The following PIWIL2 variants were observed in gnomAD, a reference collection of about 807,000 sequenced individuals.
PIWIL2 encodes the protein piwi like RNA-mediated gene silencing 2.
A neutral mutation model predicts 116.5 loss-of-function variants in PIWIL2; 81 were observed. That is an observed-to-expected ratio of 0.70 (90% CI 0.58 to 0.84). The LOEUF is 0.84. PIWIL2 is among the 40% of genes least tolerant of loss of function. PIWIL2 has a pLI of 0.00. For missense variants in PIWIL2, 1,272 were observed against 1,212.3 expected (o/e 1.05, Z -0.73); for synonymous variants, 489 against 429.5 (o/e 1.14, Z -1.71).
At chr8:22,328,884 G>A (rs1234505579) in intron 20 of PIWIL2, among the ~76,000 whole-genome samples, 1 of 138,856 alleles carries the variant, frequency 7.2e-6, no homozygotes, top group East Asian at 2.5e-4. Flanking sequence ...TTTGCTTATG[G>A]GAATGGAGTC....
intron 20 of PIWIL2, among the ~76,000 whole-genome samples, chr8:22,318,981 C>G (rs1227744423): frequency 7.2e-5 from 11 of 152,170 alleles, no homozygotes; most frequent in African/African-American, 2.4e-4. Context: ...CAAATGCCTC[C>G]TTATAAATCA....
intron 20 of PIWIL2, among the ~76,000 whole-genome samples, chr8:22,341,898 C>T (rs1192671548): frequency 6.8e-6 from 1 of 146,870 alleles, no homozygotes; most frequent in Non-Finnish European, 1.5e-5. Context: ...AAGAAACCAA[C>T]AACAAAAAAC....
intron 20 of PIWIL2, among the ~76,000 whole-genome samples, chr8:22,326,463 G>C (rs6984158): frequency 1 from 152,297 of 152,300 alleles, 76,147 homozygotes; most frequent in Non-Finnish European, 1. Flanking sequence ...TTTCATCACC[G>C]CATAAAAACA....
At chr8:22,312,740 A>G (rs1475717551) in intron 16 of PIWIL2, among the ~76,000 whole-genome samples, 1 of 152,110 alleles carries the variant, frequency 6.6e-6, no homozygotes, top group Non-Finnish European at 1.5e-5. Flanking sequence ...TTGAGGGCCC[A>G]AGGGATCCTC....
intron 20 of PIWIL2, among the ~76,000 whole-genome samples, chr8:22,342,174 A>G (rs897400650): frequency 2.1e-4 from 32 of 152,318 alleles, no homozygotes; most frequent in Admixed American, 1.8e-3. Flanking sequence ...TATCTTAAAA[A>G]TGGAGAGAGA....
intron 10 of PIWIL2, among the ~76,000 whole-genome samples, chr8:22,298,527 A>G (rs114179354): frequency 0.011 from 1,718 of 152,282 alleles, 31 homozygotes; most frequent in African/African-American, 0.039. Context: ...GGTTGTTGGG[A>G]TTGACTCACT....
Position 22,311,136 on chromosome 8 carries a change from T to C in PIWIL2, c.1825T>C (p.Phe609Leu). The C allele has an allele frequency of 3.1e-6, 5 of 1,612,342 alleles. No individual in the cohort carries two copies. The highest frequency in any genetic ancestry group is 2.2e-5 in the East Asian group (1 of 44,862). ...LTIPMHFWAL[F>L]YPKRAMDQAR... ...GATCCCCATGCATTTCTGGGCACTTTTTTACCCAAAGAGAGCAATGGACCA... is the reference window on the plus strand; with the variant it reads ...GATCCCCATGCATTTCTGGGCACTTCTTTACCCAAAGAGAGCAATGGACCA... Residue 609 changes from phenylalanine to leucine, a missense_variant, in exon 16 of 23, where the codon TTT (phenylalanine) becomes CTT (leucine). Transcript: ENST00000356766.
In PIWIL2 at chr8:22,354,348, C is replaced by G; in HGVS notation, c.2735C>G (p.Thr912Ser). The G allele has an allele frequency of 2.5e-6, 4 of 1,612,686 alleles. No individual in the cohort carries two copies. Among genetic ancestry groups the G allele is most frequent in the Non-Finnish European group, 3.4e-6 (4 of 1,178,722 alleles). The change falls in exon 22 of 23, where the codon ACC becomes AGC. Residue 912 changes from threonine to serine, a missense_variant. By Grantham distance (58) the Thr-to-Ser change is moderately conservative (BLOSUM62 1). Coordinates refer to ENST00000356766, the MANE Select transcript of PIWIL2 (RefSeq NM_018068.5). ...ACGCATTATGTCTGTGTTCTCAACA[C>G]CGCAAACCTGAGCCCTGATCATATG... is the stretch of plus-strand genomic sequence containing the variant. Reference protein sequence around the residue: ...IPTHYVCVLNTANLSPDHMQR... With the variant: ...IPTHYVCVLNSANLSPDHMQR...
intron 20 of PIWIL2, among the ~76,000 whole-genome samples, chr8:22,334,534 A>G (rs1316900702): frequency 6.8e-6 from 1 of 146,210 alleles, no homozygotes; most frequent in Non-Finnish European, 1.5e-5. Flanking sequence ...AAAAAAAAAG[A>G]AAAGAAAATA....
At chr8:22,330,489 G>T (rs553503656) in intron 20 of PIWIL2, among the ~76,000 whole-genome samples, 1 of 151,286 alleles carries the variant, frequency 6.6e-6, no homozygotes, top group Non-Finnish European at 1.5e-5. Context: ...ACGAGGTCAG[G>T]GGTTCGAGAC....
intron 16 of PIWIL2, 26 bp downstream of exon 16, chr8:22,311,326 A>G: frequency 1.9e-6 from 3 of 1,551,504 alleles, no homozygotes; most frequent in East Asian, 4.5e-5. Context: ...AAATAAATTT[A>G]TAGGATGTCC....
chr8:22,300,175 C>T (rs1831013217), intron 10 of PIWIL2, among the ~76,000 whole-genome samples: 1 of 152,090 alleles, frequency 6.6e-6, no homozygotes, highest in South Asian at 2.1e-4. Flanking sequence ...AAGCAGTTCT[C>T]CTACCTAGCC....
intron 10 of PIWIL2, among the ~76,000 whole-genome samples, chr8:22,295,868 G>A (rs4872464): frequency 0.41 from 62,140 of 151,908 alleles, 15,265 homozygotes; most frequent in East Asian, 0.8. Flanking sequence ...ACTTTCTTAC[G>A]TCACTTGTAA....
chr8:22,301,646 A>T (rs1181048404), intron 10 of PIWIL2, among the ~76,000 whole-genome samples: 3 of 152,066 alleles, frequency 2.0e-5, no homozygotes, highest in African/African-American at 7.2e-5. Context: ...AGTAGAATTT[A>T]TACTTTTTCT....
chr8:22,326,294 G>A (rs1831723056), intron 20 of PIWIL2, among the ~76,000 whole-genome samples: 2 of 152,246 alleles, frequency 1.3e-5, no homozygotes, highest in South Asian at 2.1e-4. Flanking sequence ...GCCAAGGCAG[G>A]TGGATTGCTT....
At chr8:22,275,757 C>G (rs1355219629) in intron 1 of PIWIL2, 1 of 152,406 alleles carries the variant, frequency 6.6e-6, no homozygotes, top group Non-Finnish European at 1.5e-5. Context: ...GGGGGCCTTG[C>G]TTCTGGTTAG....
At chr8:22,277,355 T>C (rs1024396835) in intron 1 of PIWIL2, among the ~76,000 whole-genome samples, 2 of 152,068 alleles carry the variant, frequency 1.3e-5, no homozygotes, top group Non-Finnish European at 2.9e-5. Context: ...AGAGACCTGA[T>C]GGGCTTTAGA....
At position 22,318,088 on chromosome 8, in the gene PIWIL2, T is replaced by C. The variant is rs1009319871; in HGVS notation, c.2298-82T>C. The stretch of plus-strand genomic sequence containing the variant: ...GGATTGATTGGTAGAGAAACCTGTG[T>C]TACTGACATAAGCCATAGGCTGTCC... On this transcript the variant is annotated intron_variant, in intron 19 of 22. Transcript: ENST00000356766. 3.8e-6 allele frequency: 3 copies of C among 790,344 alleles called. No homozygotes were observed. The African/African-American group carries it at 5.2e-5, about 14-fold the overall frequency. 49.0% of individuals were successfully genotyped at this position (790,344 alleles called of 1,614,324 possible). A position where few individuals can be genotyped will look rare whatever the true frequency, so the allele number is the denominator to read the frequency against.
In PIWIL2 at chr8:22,305,941, A is replaced by G; in HGVS notation, c.1470A>G (p.Glu490=). Residue 490 remains glutamate (E), a synonymous_variant, in exon 13 of 23, where the codon GAA becomes GAG. Transcript: ENST00000356766. ...TCTCTTCAAAGCTGCTAAAAGGGGA[A>G]ATCCTGCTGCTGCCTGAGCTTTCTT... ...QDNHGMLLKG[E]ILLLPELSFM... 1 of 1,613,842 alleles carries G rather than the reference A, an allele frequency of 6.2e-7. No individual in the cohort carries two copies. Among genetic ancestry groups the G allele is most frequent in the Non-Finnish European group, 8.5e-7 (1 of 1,179,718 alleles).
Sources: allele counts gnomAD v4.1 joint callset (sites outside exome capture counted in the v4.1 genomes callset), GRCh38; gene constraint gnomAD v4.1.1; transcripts MANE v1.5; gene names NCBI Gene and HGNC (gene_info 2026-07-23, HGNC 2026-07-21).